Variants in XIRP2 observed in about 807,000 individuals in gnomAD.
The protein encoded by XIRP2 is xin actin binding repeat containing 2.
A neutral mutation model predicts 277.0 loss-of-function variants in XIRP2; 236 were observed. The observed-to-expected ratio is 0.85, with a 90% CI of 0.77 to 0.95. The LOEUF is 0.95. Ranked by LOEUF, XIRP2 falls within the 40% of genes least tolerant of loss-of-function variation. The probability of loss-of-function intolerance (pLI) is 0.00; values close to 1 mark genes in which losing one functional copy is unlikely to be tolerated. For missense variants in XIRP2, 4,640 were observed against 4,157.5 expected, an observed-to-expected ratio of 1.12 and a Z score of -3.19; for synonymous variants, 1,490 against 1,416.5, an observed-to-expected ratio of 1.05 and a Z score of -1.17.
chr2:167,011,458 G>T (rs1025905835), intron 2 of XIRP2, among the ~76,000 whole-genome samples: 4 of 151,304 alleles, frequency 2.6e-5, no homozygotes, highest in East Asian at 1.9e-4. Context: ...TTGATGTGCT[G>T]CTGGATTCGG....
chr2:167,243,447 TG>T lies in XIRP2; in HGVS notation c.2062del (p.Asp688MetfsTer5), dbSNP rs745648385. 3.1e-6 allele frequency: 5 copies of T among 1,613,702 alleles called. No individual in the cohort carries two copies. The highest frequency in any genetic ancestry group is 4.5e-5 in the East Asian group (2 of 44,844). ...SAVTISKDIT[G>X]GDVKTVRYMF... ...CGGTAACTATCAGTAAGGACATAAC[TG>T]GGGGGGATGTCAAGACTGTGAGATA... is the stretch of plus-strand genomic sequence containing the variant. On this transcript the variant is annotated frameshift_variant, in exon 9 of 11. Coordinates refer to ENST00000409195, the MANE Select transcript of XIRP2 (RefSeq NM_152381.6). LOFTEE classifies it high-confidence loss of function.
In XIRP2 at chr2:167,247,781, G is replaced by A; in HGVS notation, c.6389G>A (p.Arg2130Lys). ...TVGKQQTYEL[R>K]NDHQKMEGFH... ...GGAAAGCAACAGACATATGAACTGA[G>A]AAATGACCACCAGAAAATGGAGGGT... The change falls in exon 9 of 11, where the codon AGA (arginine) becomes AAA (lysine). Residue 2130 changes from arginine (R) to lysine (K), a missense_variant. Physicochemically the swap from Arg to Lys is conservative, Grantham distance 26 (BLOSUM62 2). Transcript: ENST00000409195. The A allele has an allele frequency of 6.2e-7, 1 of 1,613,218 alleles. No homozygotes were observed. Among genetic ancestry groups the A allele is most frequent in the East Asian group, 2.2e-5 (1 of 44,810 alleles).
In XIRP2 at chr2:167,248,008, C is replaced by T; in HGVS notation, c.6616C>T (p.Leu2206Phe). The change falls in exon 9 of 11, where the codon CTT (leucine) becomes TTT (phenylalanine). Residue 2206 changes from leucine to phenylalanine, a missense_variant. Physicochemically the swap from Leu to Phe is conservative, Grantham distance 22. Coordinates refer to ENST00000409195, the MANE Select transcript of XIRP2 (RefSeq NM_152381.6). ...GGATATAAAGAAAAAGAATATAAACCTTCAACCAATGTGGCAGCTTTTGCC... is the reference window on the plus strand; with the variant it reads ...GGATATAAAGAAAAAGAATATAAACTTTCAACCAATGTGGCAGCTTTTGCC... ...NKDIKKKNIN[L>F]QPMWQLLPVE... 3 of 1,613,158 alleles carry T rather than the reference C, an allele frequency of 1.9e-6. No homozygotes were observed. Among genetic ancestry groups the T allele is most frequent in the Admixed American group, 1.7e-5 (1 of 59,906 alleles).
intron 2 of XIRP2, among the ~76,000 whole-genome samples, chr2:167,092,297 C>T (rs2105276544): frequency 6.6e-6 from 1 of 152,162 alleles, no homozygotes; most frequent in African/African-American, 2.4e-5. Flanking sequence ...TTATTTATGG[C>T]TCTCATTAAC....
intron 1 of XIRP2, among the ~76,000 whole-genome samples, chr2:166,891,207 T>C (rs945373899): frequency 6.6e-6 from 1 of 152,204 alleles, no homozygotes; most frequent in African/African-American, 2.4e-5. Flanking sequence ...TAAGATAAGC[T>C]TATTGCAAAT....
chr2:167,246,187 G>T lies in XIRP2; in HGVS notation c.4795G>T (p.Glu1599Ter). The T allele has an allele frequency of 6.2e-7, 1 of 1,612,226 alleles. No individual in the cohort carries two copies. The highest frequency in any genetic ancestry group is 8.5e-7 in the Non-Finnish European group (1 of 1,179,454). ...AGCATCTCCTGAGATACAGAAAGAAGAAATTATCAGGGCTGATCTCAGAAA... is the reference window on the plus strand; with the variant it reads ...AGCATCTCCTGAGATACAGAAAGAATAAATTATCAGGGCTGATCTCAGAAA... Reference protein sequence around the residue: ...NQASPEIQKEEIIRADLRNIM... With the variant: ...NQASPEIQKE Residue 1599 changes from glutamate (E) to a stop codon, truncating the protein, a stop_gained, in exon 9 of 11, where the codon GAA becomes TAA. Transcript: ENST00000409195. LOFTEE classifies it high-confidence loss of function.
chr2:167,132,257 C>T (rs1476846367), intron 2 of XIRP2, among the ~76,000 whole-genome samples: 1 of 152,026 alleles, frequency 6.6e-6, no homozygotes, highest in Non-Finnish European at 1.5e-5. Flanking sequence ...GACTTTGCTC[C>T]CCACATGAGA....
chr2:167,004,662 G>A (rs563054049), intron 2 of XIRP2, among the ~76,000 whole-genome samples: 1 of 152,018 alleles, frequency 6.6e-6, no homozygotes, highest in East Asian at 1.9e-4. Context: ...AAGTACAAAT[G>A]TATAGCAGAA....
chr2:167,159,903 A>G (rs149620097), intron 3 of XIRP2, among the ~76,000 whole-genome samples: 137 of 152,326 alleles, frequency 9.0e-4, no homozygotes, highest in African/African-American at 3.2e-3. Flanking sequence ...GCATTCAGGG[A>G]AGAAAATCAG....
At chr2:166,926,157 A>G (rs181005189) in intron 2 of XIRP2, among the ~76,000 whole-genome samples, 2 of 151,978 alleles carry the variant, frequency 1.3e-5, no homozygotes, top group Non-Finnish European at 2.9e-5. Flanking sequence ...GCTTGAGGTT[A>G]TTTGGTTTTC....
chr2:167,084,075 G>A (rs1039047957), intron 2 of XIRP2, among the ~76,000 whole-genome samples: 28 of 151,930 alleles, frequency 1.8e-4, no homozygotes, highest in Non-Finnish European at 3.4e-4. Context: ...TTGGCTGTGG[G>A]TTTGTCATAG....
chr2:167,147,994 A>C (rs1476443556), intron 3 of XIRP2, among the ~76,000 whole-genome samples: 1 of 152,202 alleles, frequency 6.6e-6, no homozygotes, highest in East Asian at 1.9e-4. Flanking sequence ...ATTTACATTA[A>C]AGTTTTAGGA....
chr2:167,240,180 G>A (rs746751905), intron 6 of XIRP2, among the ~76,000 whole-genome samples: 9 of 151,982 alleles, frequency 5.9e-5, no homozygotes, highest in Non-Finnish European at 1.2e-4. Context: ...TTGGGAGGCC[G>A]AGGCAGGCAG....
At chr2:167,252,380 A>G (rs1372125554) in intron 9 of XIRP2, among the ~76,000 whole-genome samples, 7 of 152,008 alleles carry the variant, frequency 4.6e-5, no homozygotes, top group African/African-American at 7.2e-5. Context: ...AGTCTGAGAC[A>G]CAATTTACAT....
chr2:167,249,678 T>C lies in XIRP2; in HGVS notation c.8286T>C (p.His2762=), dbSNP rs956584813. 11 of 1,613,382 alleles carry C rather than the reference T, an allele frequency of 6.8e-6. No homozygotes were observed. The highest frequency in any genetic ancestry group is 9.3e-6 in the Non-Finnish European group (11 of 1,179,780). ...KKTEASTECS[H]KQSLAERHYQ... is the part of the protein sequence containing the mutation. ...CTGAAGCAAGCACTGAATGTAGTCA[T>C]AAGCAATCTCTGGCTGAAAGACATT... The change falls in exon 9 of 11, where the codon CAT becomes CAC. Residue 2762 remains histidine, a synonymous_variant. Coordinates refer to ENST00000409195, the MANE Select transcript of XIRP2 (RefSeq NM_152381.6).
At chr2:166,968,791 G>T (rs946486742) in intron 2 of XIRP2, among the ~76,000 whole-genome samples, 1 of 151,626 alleles carries the variant, frequency 6.6e-6, no homozygotes, top group Non-Finnish European at 1.5e-5. Flanking sequence ...TAGCATGTAC[G>T]AATATAAGTC....
rs767326794 is a variant in XIRP2, at chr2:167,258,019, T to A, written c.*202T>A. ...GCAGATCAGTGGACTTTATTCCTAA[T>A]GAAGAACCAAATATGTGTAAAAATA... On this transcript the variant is annotated 3_prime_UTR_variant, in exon 11 of 11. Transcript: ENST00000409195. 2 of 1,613,142 alleles carry A rather than the reference T, an allele frequency of 1.2e-6. No individual in the cohort carries two copies. Among genetic ancestry groups the A allele is most frequent in the Middle Eastern group, 3.3e-4 (2 of 6,050 alleles).
At chr2:167,007,695 TCTCTCTCTCACA>T (rs1558945016) in intron 2 of XIRP2, among the ~76,000 whole-genome samples, 1 of 118,636 alleles carries the variant, frequency 8.4e-6, no homozygotes, top group East Asian at 2.5e-4. Context: ...TCTCTCTCTC[TCTCTCTCTCACA>T]CACACACACA....
chr2:167,139,074 A>ATATATATATGCATATATATACGTACG (rs1249126581), intron 3 of XIRP2, among the ~76,000 whole-genome samples: 1 of 151,054 alleles, frequency 6.6e-6, no homozygotes, highest in Non-Finnish European at 1.5e-5. Flanking sequence ...CTCAAAAAAT[A>ATATATATATGCATATATATACGTACG]TATATATATG....
Sources: gnomAD v4.1 joint callset for allele counts (sites outside exome capture counted in the v4.1 genomes callset) on GRCh38, gnomAD v4.1.1 for gene constraint, MANE v1.5 for transcripts, NCBI Gene and HGNC (gene_info 2026-07-23, HGNC 2026-07-21) for gene names.